The following SLK variants were observed in gnomAD, a reference collection of about 807,000 sequenced individuals.
The protein encoded by SLK is STE20 like kinase, also known as STE20-like serine/threonine-protein kinase.
In SLK, 67 loss-of-function variants were observed where a neutral mutation model predicts 147.7. That is an observed-to-expected ratio of 0.45 (90% CI 0.37 to 0.56). SLK has a LOEUF of 0.56. SLK is among the 20% of genes least tolerant of loss of function. The pLI, the probability that SLK is intolerant of heterozygous loss-of-function variation, is 0.00. For missense variants in SLK, 1,136 were observed against 1,438.8 expected (o/e 0.79, Z 3.41); for synonymous variants, 441 against 475.0 (o/e 0.93, Z 0.93).
chr10:103,997,107 A>G (rs1352426028), intron 4 of SLK, among the ~76,000 whole-genome samples: 2 of 152,160 alleles, frequency 1.3e-5, no homozygotes, highest in African/African-American at 4.8e-5. Context: ...GCTTCTGGCA[A>G]CCACCATTCT....
At chr10:104,008,718 A>C (rs1564660574) in intron 12 of SLK, among the ~76,000 whole-genome samples, 2 of 152,224 alleles carry the variant, frequency 1.3e-5, no homozygotes, top group Non-Finnish European at 2.9e-5. Flanking sequence ...CAACACATTT[A>C]AGTCCTTATA....
chr10:104,026,388 T>G lies in SLK; in HGVS notation c.*668T>G, dbSNP rs896370695. 6.6e-6 allele frequency: 1 copy of G among 152,654 alleles called. No individual in the cohort carries two copies. The highest frequency in any genetic ancestry group is 2.1e-4 in the South Asian group (1 of 4,834). The allele number at this position is 152,654 out of a possible 1,614,324, so 9.5% of individuals were successfully genotyped here. A position where few individuals can be genotyped will look rare whatever the true frequency, so the allele number is the denominator to read the frequency against. ...GTCAAGTCGTAAGTAGGATTTTCTTTTTGATCAACAGGGACAAAAACATCT... is the reference window on the plus strand; with the variant it reads ...GTCAAGTCGTAAGTAGGATTTTCTTGTTGATCAACAGGGACAAAAACATCT... On this transcript the variant is annotated 3_prime_UTR_variant, in exon 19 of 19. Coordinates refer to ENST00000369755, the MANE Select transcript of SLK (RefSeq NM_014720.4).
rs1844121622 is a variant in SLK, at chr10:103,993,038, T to C, written c.419T>C (p.Leu140Ser). The C allele has an allele frequency of 6.2e-7, 1 of 1,610,528 alleles. No individual in the cohort carries two copies. The highest frequency in any genetic ancestry group is 8.5e-7 in the Non-Finnish European group (1 of 1,177,206). The change falls in exon 4 of 19, where the codon TTA (leucine) becomes TCA (serine). Residue 140 changes from leucine (L) to serine (S), a missense_variant. Coordinates refer to ENST00000369755, the MANE Select transcript of SLK (RefSeq NM_014720.4). ...SQIQVVCKQT[L>S]DALNYLHDNK... The stretch of plus-strand genomic sequence containing the variant: ...ATACAAGTAGTTTGCAAGCAGACTT[T>C]AGATGCATTGAACTACTTACATGAT...
intron 1 of SLK, among the ~76,000 whole-genome samples, chr10:103,983,392 C>G (rs1843971487): frequency 6.6e-6 from 1 of 152,160 alleles, no homozygotes; most frequent in East Asian, 1.9e-4. Context: ...TTACTCTACT[C>G]TGTACCTTAG....
At chr10:104,019,609 T>C (rs552335791) in intron 15 of SLK, 125 bp from the exon 16 acceptor site, 1 of 770,486 alleles carries the variant, frequency 1.3e-6, no homozygotes, top group South Asian at 1.7e-5. Context: ...AGTATTTTGC[T>C]GGTCACTGCA....
rs770659535 is a variant in SLK at position 104,003,150 on chromosome 10, G to C, written c.1972G>C (p.Ala658Pro). The C allele has an allele frequency of 6.2e-7, 1 of 1,614,118 alleles. No homozygotes were observed. Among genetic ancestry groups the C allele is most frequent in the Admixed American group, 1.7e-5 (1 of 60,026 alleles). Residue 658 changes from alanine to proline, a missense_variant, in exon 9 of 19, where the codon GCT (alanine) becomes CCT (proline). Physicochemically the swap from Ala to Pro is conservative, Grantham distance 27. Coordinates refer to ENST00000369755, the MANE Select transcript of SLK (RefSeq NM_014720.4). ...AGAAATGGAGGTCAGAAGTGTGGTG[G>C]CTGATACTGACCAAAAGGCTTTAGG... ...TEEMEVRSVV[A>P]DTDQKALGSE...
intron 4 of SLK, among the ~76,000 whole-genome samples, chr10:103,998,389 C>CTA (rs1313305376): frequency 6.6e-6 from 1 of 152,066 alleles, no homozygotes; most frequent in African/African-American, 2.4e-5. Context: ...ACTGAAAAAG[C>CTA]TATAATGTTA....
chr10:104,000,900 A>T (rs559956818), intron 7 of SLK, among the ~76,000 whole-genome samples: 14 of 151,900 alleles, frequency 9.2e-5, no homozygotes, highest in African/African-American at 3.2e-4. Context: ...TCTACTAAAA[A>T]TACAAAAAAT....
At chr10:103,992,881 A>T (rs1357422279) in intron 3 of SLK, 103 bp from the exon 4 acceptor site, 28 of 816,858 alleles carry the variant, frequency 3.4e-5, no homozygotes, top group Admixed American at 5.7e-5. Context: ...AATTCCCTGC[A>T]TATGATCTTT....
At chr10:103,999,778 A>T in intron 6 of SLK, 89 bp from the exon 7 acceptor site, 1 of 589,808 alleles carries the variant, frequency 1.7e-6, no homozygotes, top group South Asian at 2.5e-5. Context: ...TACATACATA[A>T]TGAAACTTAA....
rs145383503 is a variant in SLK at position 104,010,824 on chromosome 10, T to C, written c.2793T>C (p.Asn931=). Residue 931 remains asparagine, a synonymous_variant, in exon 13 of 19, where the codon AAT becomes AAC. Transcript: ENST00000369755. Reference sequence around the variant, plus strand: ...ATGCTTATACACTGTAGGTTATAAATGAAGTGGAGAAAGCACCCAAAGAGC... The same window carrying C: ...ATGCTTATACACTGTAGGTTATAAACGAAGTGGAGAAAGCACCCAAAGAGC... ...MLKNRKKEVI[N]EVEKAPKELR... 1 of 1,581,746 alleles carries C rather than the reference T, an allele frequency of 6.3e-7. No homozygotes were observed. Among genetic ancestry groups the C allele is most frequent in the South Asian group, 1.2e-5 (1 of 85,366 alleles).
At chr10:104,006,217 T>G (rs963311928) in intron 11 of SLK, among the ~76,000 whole-genome samples, 182 bp downstream of exon 11, 7 of 152,234 alleles carry the variant, frequency 4.6e-5, no homozygotes, top group Non-Finnish European at 1.0e-4. Flanking sequence ...TTTATTGATT[T>G]ATTCTTTTTT....
At chr10:103,998,433 G>A (rs1589535580) in intron 4 of SLK, among the ~76,000 whole-genome samples, 2 of 152,218 alleles carry the variant, frequency 1.3e-5, no homozygotes, top group South Asian at 4.1e-4. Context: ...AAAACATAAG[G>A]TTCCCAATTT....
chr10:104,002,923 A>G lies in SLK; in HGVS notation c.1745A>G (p.Gln582Arg), dbSNP rs534233043. The G allele has an allele frequency of 1.2e-6, 2 of 1,614,206 alleles. No homozygotes were observed. Among genetic ancestry groups the G allele is most frequent in the African/African-American group, 1.3e-5 (1 of 75,068 alleles). Residue 582 changes from glutamine to arginine, a missense_variant, in exon 9 of 19, where the codon CAG becomes CGG. By Grantham distance (43) the Gln-to-Arg change is conservative (BLOSUM62 1). This residue lies in a region of SLK where 516 missense variants were observed against 531.3 expected (regional missense o/e 0.97). Coordinates refer to ENST00000369755, the MANE Select transcript of SLK (RefSeq NM_014720.4). ...NDGKEVVEVG[Q>R]KLINKPMVGP... ...GGGAAAGAAGTGGTCGAAGTAGGCCAGAAATTAATTAATAAGCCCATGGTG... is the reference window on the plus strand; with the variant it reads ...GGGAAAGAAGTGGTCGAAGTAGGCCGGAAATTAATTAATAAGCCCATGGTG...
intron 7 of SLK, among the ~76,000 whole-genome samples, chr10:104,000,985 G>A (rs973732944): frequency 8.3e-5 from 12 of 145,434 alleles, no homozygotes; most frequent in African/African-American, 2.3e-4. Flanking sequence ...CTTGAACCTG[G>A]GAGATGGAGA....
intron 18 of SLK, among the ~76,000 whole-genome samples, chr10:104,022,012 G>T (rs1311889870): frequency 6.6e-6 from 1 of 152,180 alleles, no homozygotes; most frequent in African/African-American, 2.4e-5. Flanking sequence ...GTAAGTCAGG[G>T]AGGGTCTTCA....
chr10:104,015,975 T>C (rs1230218153), intron 13 of SLK, among the ~76,000 whole-genome samples: 1 of 152,184 alleles, frequency 6.6e-6, no homozygotes, highest in African/African-American at 2.4e-5. Context: ...GAAAACCCTT[T>C]GATATTTTTG....
At chr10:103,986,309 T>C (rs191492337) in intron 1 of SLK, among the ~76,000 whole-genome samples, 1 of 152,318 alleles carries the variant, frequency 6.6e-6, no homozygotes, top group African/African-American at 2.4e-5. Flanking sequence ...TGCAACTAAA[T>C]GTTCCCATCT....
chr10:103,986,030 A>G (rs1844008152), intron 1 of SLK, among the ~76,000 whole-genome samples: 2 of 152,184 alleles, frequency 1.3e-5, no homozygotes, highest in South Asian at 2.1e-4. Context: ...CAGAAGTTAT[A>G]TTTTTAAATT....
Sources: allele counts gnomAD v4.1 joint callset (sites outside exome capture counted in the v4.1 genomes callset), GRCh38; gene constraint gnomAD v4.1.1; regional missense constraint gnomAD v4.1.1; transcripts MANE v1.5; gene names NCBI Gene and HGNC (gene_info 2026-07-23, HGNC 2026-07-21).